Variants in CCSER1 observed in about 807,000 individuals in gnomAD.
CCSER1 encodes the protein serine-rich coiled-coil domain-containing protein 1.
In CCSER1, 41 loss-of-function variants were observed where a neutral mutation model predicts 82.0. The ratio of observed to expected loss-of-function variants is 0.50; its 90% CI spans 0.39 to 0.65. The LOEUF is 0.65. Ranked by LOEUF, CCSER1 falls within the 30% of genes least tolerant of loss-of-function variation. The pLI is 0.00. For synonymous variants in CCSER1, 414 were observed against 383.9 expected (o/e 1.08, Z -0.92); for missense variants, 1,119 against 1,064.2 (o/e 1.05, Z -0.72).
At chr4:90,480,760 A>G (rs1264983461) in intron 5 of CCSER1, among the ~76,000 whole-genome samples, 4 of 152,154 alleles carry the variant, frequency 2.6e-5, no homozygotes, top group Non-Finnish European at 4.4e-5. Context: ...TACCAGTACC[A>G]TGCTGTTTTG....
chr4:91,011,389 C>A (rs1254571548), intron 9 of CCSER1, among the ~76,000 whole-genome samples: 1 of 134,208 alleles, frequency 7.5e-6, no homozygotes, highest in African/African-American at 2.5e-5. Context: ...ACATGGCCTA[C>A]AATCTGTAGC....
intron 3 of CCSER1, among the ~76,000 whole-genome samples, chr4:90,372,747 C>T (rs768141082): frequency 1.3e-5 from 2 of 150,532 alleles, no homozygotes; most frequent in Admixed American, 1.3e-4. Flanking sequence ...GAAAACCCAT[C>T]TGAAAAAACG....
intron 10 of CCSER1, among the ~76,000 whole-genome samples, chr4:91,424,214 T>A (rs1047162471): frequency 1.3e-5 from 2 of 150,988 alleles, no homozygotes; most frequent in Non-Finnish European, 3.0e-5. Flanking sequence ...AGACGGGGTT[T>A]CACCTTGTTA....
intron 10 of CCSER1, among the ~76,000 whole-genome samples, chr4:91,374,359 AT>A (rs1471007930): frequency 2.6e-5 from 4 of 152,208 alleles, no homozygotes; most frequent in African/African-American, 9.6e-5. Flanking sequence ...GTAACTATAC[AT>A]TGAAGCAAAT....
At chr4:90,559,479 T>G (rs1778479603) in intron 5 of CCSER1, among the ~76,000 whole-genome samples, 1 of 152,012 alleles carries the variant, frequency 6.6e-6, no homozygotes, top group African/African-American at 2.4e-5. Context: ...TGAGATTTGA[T>G]GAAATCTGGC....
intron 10 of CCSER1, among the ~76,000 whole-genome samples, chr4:91,455,815 A>G (rs1320435483): frequency 6.6e-6 from 1 of 152,018 alleles, no homozygotes; most frequent in Non-Finnish European, 1.5e-5. Context: ...GAGAGTAAAG[A>G]TGTGTGTATG....
At position 91,522,908 on chromosome 4, in the gene CCSER1, A is replaced by T. The variant is rs182603051; in HGVS notation, c.2218-75664A>T. Among the ~76,000 whole-genome samples, 10 of 152,232 alleles carry T rather than the reference A, an allele frequency of 6.6e-5. No homozygotes were observed. The East Asian group carries it at 1.9e-3, about 29-fold the overall frequency. On this transcript the variant is annotated intron_variant, in intron 10 of 10. Coordinates refer to ENST00000509176, the MANE Select transcript of CCSER1 (RefSeq NM_001145065.2). ...TGCCCTGGCCAGAACTTCCAATACT[A>T]TGTTGAATAAGAGTGGTGAGAGAGG...
chr4:90,183,223 C>T (rs568429796), intron 1 of CCSER1, among the ~76,000 whole-genome samples: 1 of 152,120 alleles, frequency 6.6e-6, no homozygotes, highest in South Asian at 2.1e-4. Flanking sequence ...TGTCTTAATT[C>T]CCTTGTTAGC....
chr4:90,291,354 C>T (rs1333566997), intron 1 of CCSER1, among the ~76,000 whole-genome samples: 1 of 151,978 alleles, frequency 6.6e-6, no homozygotes, highest in Non-Finnish European at 1.5e-5. Context: ...AATAGTTGGT[C>T]GCCAAGGCAG....
intron 10 of CCSER1, among the ~76,000 whole-genome samples, chr4:91,470,500 T>C (rs1757214118): frequency 6.6e-6 from 1 of 152,092 alleles, no homozygotes; most frequent in Admixed American, 6.6e-5. Flanking sequence ...CGTAGCAGAC[T>C]GGGGATGACA....
Position 90,662,282 on chromosome 4 carries a change from C to T in CCSER1, c.1932+34050C>T, listed in dbSNP as rs1156778719. Among the ~76,000 whole-genome samples, 5 of 152,086 alleles carry T rather than the reference C, an allele frequency of 3.3e-5. No homozygotes were observed. The East Asian group carries it at 9.6e-4, about 29-fold the overall frequency. ...AAAGTGCTGGGATTACAGGCCTGAG[C>T]CACCATGCCTGGCCGTCCTATACTA... is the stretch of plus-strand genomic sequence containing the variant. On this transcript the variant is annotated intron_variant, in intron 6 of 10. Transcript: ENST00000509176.
chr4:91,366,579 C>G (rs531160958), intron 10 of CCSER1, among the ~76,000 whole-genome samples: 2 of 152,256 alleles, frequency 1.3e-5, no homozygotes, highest in East Asian at 3.9e-4. Context: ...TCTCTTAATT[C>G]TCTTTCAGTA....
At chr4:91,270,383 ATC>A (rs1741927740) in intron 10 of CCSER1, among the ~76,000 whole-genome samples, 6 of 152,146 alleles carry the variant, frequency 3.9e-5, no homozygotes, top group Non-Finnish European at 2.9e-5. Context: ...TACACCAAGA[ATC>A]TCTCTTTAGT....
chr4:91,310,405 A>AT (rs1745386090), intron 10 of CCSER1, among the ~76,000 whole-genome samples: 1 of 151,568 alleles, frequency 6.6e-6, no homozygotes, highest in Admixed American at 6.6e-5. Flanking sequence ...AATGCAAAAA[A>AT]AAAAAAAAAT....
chr4:90,151,124 A>G (rs1373585746), intron 1 of CCSER1, among the ~76,000 whole-genome samples: 3 of 152,100 alleles, frequency 2.0e-5, no homozygotes, highest in African/African-American at 7.2e-5. Flanking sequence ...AAGTCCTCCT[A>G]TCACTGAATA....
At chr4:90,185,844 G>A (rs1255646014) in intron 1 of CCSER1, among the ~76,000 whole-genome samples, 1 of 151,986 alleles carries the variant, frequency 6.6e-6, no homozygotes, top group African/African-American at 2.4e-5. Flanking sequence ...ATTATCAATG[G>A]AAGATATTTT....
intron 10 of CCSER1, among the ~76,000 whole-genome samples, chr4:91,292,391 T>A (rs2149220747): frequency 6.6e-6 from 1 of 152,188 alleles, no homozygotes; most frequent in African/African-American, 2.4e-5. Context: ...CTGTTTTTTT[T>A]AAGTTGTCCA....
Position 90,560,210 on chromosome 4 carries a change from G to A in CCSER1, c.1725-67815G>A, listed in dbSNP as rs6825356. Among the ~76,000 whole-genome samples the A allele has an allele frequency of 8.7e-3, 1,318 of 151,944 alleles. 16 individuals are homozygous for A. Among genetic ancestry groups the A allele is most frequent in the African/African-American group, 0.03 (1,250 of 41,408 alleles). ...GGGAAATAATAGGCTATCCTCTTTC[G>A]GAAAACCAAGCGGCCAAGGGGGTAT... On this transcript the variant is annotated intron_variant, in intron 5 of 10. Transcript: ENST00000509176.
At chr4:90,477,479 A>G (rs962443104) in intron 5 of CCSER1, among the ~76,000 whole-genome samples, 1 of 152,184 alleles carries the variant, frequency 6.6e-6, no homozygotes, top group Non-Finnish European at 1.5e-5. Context: ...AAATTACCAG[A>G]TTTAATATCT....
Sources: allele counts gnomAD v4.1 joint callset (sites outside exome capture counted in the v4.1 genomes callset), GRCh38; gene constraint gnomAD v4.1.1; transcripts MANE v1.5; gene names NCBI Gene and HGNC (gene_info 2026-07-23, HGNC 2026-07-21).